PCDHGA9: variants seen among roughly 807,000 people sequenced by gnomAD.
PCDHGA9 encodes protocadherin gamma-A9.
Under a neutral mutation model 62.5 loss-of-function variants are expected in PCDHGA9, and 37 were observed. The observed-to-expected ratio is 0.59, with a 90% CI of 0.46 to 0.78. The LOEUF (loss-of-function observed/expected upper bound fraction) is 0.78, where lower values mean the gene tolerates loss of function less well. PCDHGA9 is among the 30% of genes least tolerant of loss of function. PCDHGA9 has a pLI of 0.00. For missense variants in PCDHGA9, 1,138 were observed against 1,166.2 expected, an observed-to-expected ratio of 0.98 and a Z score of 0.35; for synonymous variants, 459 against 484.6, an observed-to-expected ratio of 0.95 and a Z score of 0.69.
chr5:141,432,088 AGACACCAAC>A lies in PCDHGA9; in HGVS notation c.2424+26717_2424+26725del, dbSNP rs1561857611. 6.2e-7 allele frequency: 1 copy of A among 1,614,148 alleles called. No individual in the cohort carries two copies. Among genetic ancestry groups the A allele is most frequent in the Admixed American group, 1.7e-5 (1 of 60,024 alleles). ...AAACTCATATCTCGCTGAACGTGGC[AGACACCAAC>A]GACAACCCGCCGGTCTTCCCTCAGG... is the stretch of plus-strand genomic sequence containing the variant. On this transcript the variant is annotated intron_variant, in intron 1 of 3. Transcript: ENST00000573521. This position sits in a 1 kb window ranked among gnomAD's most constrained non-coding sequence, Gnocchi z 6.0.
At position 141,418,010 on chromosome 5, in the gene PCDHGA9, G is replaced by T. The variant is rs185303697; in HGVS notation, c.2424+12634G>T. Reference sequence around the variant, plus strand: ...CAAGGGCTCGGTGGTGGGGAACCTCGCTAAGGATCTAGGGCTTAGTGTCCT... The same window carrying T: ...CAAGGGCTCGGTGGTGGGGAACCTCTCTAAGGATCTAGGGCTTAGTGTCCT... On this transcript the variant is annotated intron_variant, in intron 1 of 3. Coordinates refer to ENST00000573521, the MANE Select transcript of PCDHGA9 (RefSeq NM_018921.3). 2.9e-5 allele frequency: 46 copies of T among 1,613,912 alleles called. No individual in the cohort carries two copies. The Middle Eastern group carries it at 5.0e-4, about 17-fold the overall frequency.
chr5:141,498,002 C>T (rs1442305270), intron 2 of PCDHGA9, among the ~76,000 whole-genome samples: 2 of 152,178 alleles, frequency 1.3e-5, no homozygotes, highest in East Asian at 1.9e-4. Flanking sequence ...AAGGAGTTTA[C>T]AGTGCACTGA....
intron 1 of PCDHGA9, among the ~76,000 whole-genome samples, chr5:141,464,504 T>A (rs1264652523): frequency 6.6e-6 from 1 of 152,046 alleles, no homozygotes; most frequent in Non-Finnish European, 1.5e-5. Context: ...GATTGCTGCA[T>A]CATAAGGTAA....
rs539727453 is a variant in PCDHGA9 at position 141,487,510 on chromosome 5, C to G, written c.2425-7297C>G. ...GCTGTACACCCTTGGCTTCTGCACC[C>G]ACTCGGAGTGATAGCTTCATGATGG... On this transcript the variant is annotated intron_variant, in intron 1 of 3. Coordinates refer to ENST00000573521, the MANE Select transcript of PCDHGA9 (RefSeq NM_018921.3). This position sits in a 1 kb window ranked among gnomAD's most constrained non-coding sequence, Gnocchi z 5.0. The G allele has an allele frequency of 2.5e-6, 4 of 1,614,210 alleles. No homozygotes were observed. The highest frequency in any genetic ancestry group is 2.2e-5 in the East Asian group (1 of 44,860).
rs765690531 is a variant in PCDHGA9, at chr5:141,404,329, C to T, written c.1377C>T (p.Val459=). 6.8e-5 allele frequency: 110 copies of T among 1,613,772 alleles called. No homozygotes were observed. The East Asian group carries it at 2.4e-3, about 36-fold the overall frequency. Residue 459 remains valine (V), a synonymous_variant, in exon 1 of 4, where the codon GTC becomes GTT. Coordinates refer to ENST00000573521, the MANE Select transcript of PCDHGA9 (RefSeq NM_018921.3). ...CTTTCTCTCAAGCCTCCTACTCAGTCTACCTCCCGGAAAACAACGCCAGAG... is the reference window on the plus strand; with the variant it reads ...CTTTCTCTCAAGCCTCCTACTCAGTTTACCTCCCGGAAAACAACGCCAGAG... The part of the protein sequence containing the change: ...PPAFSQASYS[V]YLPENNARGT...
chr5:141,507,296 C>T (rs1020117646), intron 3 of PCDHGA9: 1 of 141,360 alleles, frequency 7.1e-6, no homozygotes, highest in Non-Finnish European at 1.5e-5. Flanking sequence ...TCAAATGTTG[C>T]ATGAGACATA....
intron 1 of PCDHGA9, among the ~76,000 whole-genome samples, chr5:141,444,062 A>G (rs1335403906): frequency 6.7e-6 from 1 of 149,402 alleles, no homozygotes; most frequent in African/African-American, 2.5e-5. Context: ...TTCAATCTAG[A>G]TTCTGATGCT....
intron 1 of PCDHGA9, among the ~76,000 whole-genome samples, chr5:141,482,530 C>CGAAAAAAA (rs2099566141): frequency 1.3e-5 from 1 of 76,562 alleles, no homozygotes; most frequent in African/African-American, 4.8e-5. Context: ...GACAGACATG[C>CGAAAAAAA]AAAAAAAAAA....
At chr5:141,433,031 T>G (rs2097561851) in intron 1 of PCDHGA9, 2 of 1,614,088 alleles carry the variant, frequency 1.2e-6, no homozygotes, top group Non-Finnish European at 8.5e-7. Flanking sequence ...CCACGAGGTT[T>G]CCCTCACCAC....
At chr5:141,410,736 A>G (rs553799279) in intron 1 of PCDHGA9, 1 of 1,334,690 alleles carries the variant, frequency 7.5e-7, no homozygotes, top group East Asian at 2.4e-5. Flanking sequence ...ATAGCTTTTT[A>G]CAATATTTTC....
intron 1 of PCDHGA9, among the ~76,000 whole-genome samples, chr5:141,445,902 T>C (rs1022574381): frequency 3.9e-5 from 6 of 152,186 alleles, no homozygotes; most frequent in Non-Finnish European, 8.8e-5. Context: ...TTAAAATATT[T>C]TAAACAAGGC....
chr5:141,469,395 T>G lies in PCDHGA9; in HGVS notation c.2425-25412T>G, dbSNP rs1332746609. ...ATCGAGACCATCCTGGCCAACATGG[T>G]GAAACCCCGTTTCTACTAAAAATAT... On this transcript the variant is annotated intron_variant, in intron 1 of 3. Transcript: ENST00000573521. Among the ~76,000 whole-genome samples, 6 of 152,194 alleles carry G rather than the reference T, an allele frequency of 3.9e-5. No homozygotes were observed. The East Asian group carries it at 1.2e-3, about 29-fold the overall frequency.
chr5:141,427,139 T>C (rs1430333586), intron 1 of PCDHGA9: 2 of 456,952 alleles, frequency 4.4e-6, no homozygotes, highest in East Asian at 1.4e-4. Context: ...TACGAGATGA[T>C]ATTGGAAATA....
At position 141,485,257 on chromosome 5, in the gene PCDHGA9, T is replaced by G. The variant is rs1251686604; in HGVS notation, c.2425-9550T>G. 1.9e-6 allele frequency: 3 copies of G among 1,614,036 alleles called. No homozygotes were observed. The highest frequency in any genetic ancestry group is 2.5e-6 in the Non-Finnish European group (3 of 1,180,006). ...TCTTTTACCACCTGGGTTACGTTTG[T>G]GGGCAGATCCGCTACCCGGTCCCAG... On this transcript the variant is annotated intron_variant, in intron 1 of 3. Coordinates refer to ENST00000573521, the MANE Select transcript of PCDHGA9 (RefSeq NM_018921.3). The surrounding 1 kb of genome is among the most constrained non-coding windows in gnomAD (Gnocchi z 5.7).
intron 1 of PCDHGA9, among the ~76,000 whole-genome samples, chr5:141,482,238 A>G (rs560354311): frequency 8.5e-5 from 13 of 152,304 alleles, no homozygotes; most frequent in African/African-American, 2.9e-4. Context: ...TTGCCAATAT[A>G]AGTATAGTAC....
At chr5:141,465,162 G>A (rs1464525964) in intron 1 of PCDHGA9, among the ~76,000 whole-genome samples, 1 of 151,654 alleles carries the variant, frequency 6.6e-6, no homozygotes, top group Non-Finnish European at 1.5e-5. Context: ...GACTCTAAAT[G>A]TTTATGAAGA....
At chr5:141,473,401 T>G (rs1285517100) in intron 1 of PCDHGA9, among the ~76,000 whole-genome samples, 3 of 152,222 alleles carry the variant, frequency 2.0e-5, no homozygotes. Context: ...GCTTCTTTTT[T>G]TCTTCTTCAG....
chr5:141,408,404 G>C lies in PCDHGA9; in HGVS notation c.2424+3028G>C, dbSNP rs372659902. ...GGATGTGTCGGCTCGCAAGCTGCGAGTGAGCGCGGAGAAGCTGCACTTCAG... is the reference window on the plus strand; with the variant it reads ...GGATGTGTCGGCTCGCAAGCTGCGACTGAGCGCGGAGAAGCTGCACTTCAG... On this transcript the variant is annotated intron_variant, in intron 1 of 3. Transcript: ENST00000573521. 6.2e-4 allele frequency: 1,002 copies of C among 1,614,072 alleles called. 1 individual carries two copies. The highest frequency in any genetic ancestry group is 8.3e-4 in the Non-Finnish European group (980 of 1,179,896).
At chr5:141,451,107 C>T (rs768308463) in intron 1 of PCDHGA9, among the ~76,000 whole-genome samples, 3 of 152,118 alleles carry the variant, frequency 2.0e-5, no homozygotes, top group Non-Finnish European at 4.4e-5. Flanking sequence ...GGATTACAGG[C>T]GTGAGCCACC....
Sources: allele counts gnomAD v4.1 joint callset (sites outside exome capture counted in the v4.1 genomes callset), GRCh38; gene constraint gnomAD v4.1.1; non-coding constraint Gnocchi (gnomAD v3.1); transcripts MANE v1.5; gene names NCBI Gene and HGNC (gene_info 2026-07-23, HGNC 2026-07-21).